The following DRC11 variants were observed in gnomAD, a reference collection of about 807,000 sequenced individuals.
The protein encoded by DRC11 is IQ and AAA domain-containing protein 1.
the DRC11 span, among the ~76,000 whole-genome samples, chr2:236,472,210 G>A: frequency 2.0e-5 from 3 of 152,078 alleles, no homozygotes; most frequent in African/African-American, 7.2e-5. This position sits in a 1 kb window ranked among gnomAD's most constrained non-coding sequence, Gnocchi z 4.6. Context: ...GTGTCTGATG[G>A]CCCTGAAGAC....
the DRC11 span, among the ~76,000 whole-genome samples, chr2:236,488,696 T>C: frequency 6.6e-6 from 1 of 152,238 alleles, no homozygotes; most frequent in Non-Finnish European, 1.5e-5. Context: ...CATTTAATTT[T>C]ATATATGAAA....
the DRC11 span, among the ~76,000 whole-genome samples, chr2:236,406,666 C>A: frequency 1.3e-5 from 2 of 152,010 alleles, no homozygotes; most frequent in Non-Finnish European, 2.9e-5. This position sits in a 1 kb window ranked among gnomAD's most constrained non-coding sequence, Gnocchi z 4.7. Flanking sequence ...AATGGCTGAA[C>A]ACTATATTTA....
the DRC11 span, among the ~76,000 whole-genome samples, chr2:236,357,451 TTATA>T: frequency 3.2e-5 from 4 of 126,454 alleles, no homozygotes; most frequent in South Asian, 2.3e-4. Flanking sequence ...TATTTATAAA[TTATA>T]TATATTTACA....
the DRC11 span, among the ~76,000 whole-genome samples, chr2:236,359,114 G>C: frequency 6.6e-6 from 1 of 151,996 alleles, no homozygotes; most frequent in South Asian, 2.1e-4. The surrounding 1 kb of genome is among the most constrained non-coding windows in gnomAD (Gnocchi z 4.3). Context: ...TGGAGCAGAG[G>C]ACGCTTCAGC....
At chr2:236,320,272 G>A in the DRC11 span, among the ~76,000 whole-genome samples, 4 of 152,138 alleles carry the variant, frequency 2.6e-5, no homozygotes, top group African/African-American at 9.7e-5. Context: ...GGTCTGCTTG[G>A]CTTCGTTTCG....
At chr2:236,478,217 A>G in the DRC11 span, among the ~76,000 whole-genome samples, 3 of 152,134 alleles carry the variant, frequency 2.0e-5, no homozygotes, top group East Asian at 5.8e-4. This position sits in a 1 kb window ranked among gnomAD's most constrained non-coding sequence, Gnocchi z 5.9. Context: ...TGCTTTTGTT[A>G]TAGCCCATAG....
the DRC11 span, among the ~76,000 whole-genome samples, chr2:236,421,356 A>C: frequency 2.0e-5 from 3 of 152,246 alleles, no homozygotes; most frequent in Non-Finnish European, 4.4e-5. Context: ...AAATAGATGC[A>C]ATAAAAAATG....
chr2:236,450,314 CTTTTTTTT>C, the DRC11 span, among the ~76,000 whole-genome samples: 759 of 82,402 alleles, frequency 9.2e-3, 7 homozygotes, highest in African/African-American at 0.034. Context: ...CTTTTCTTTT[CTTTTTTTT>C]TTTTTTTTTT....
the DRC11 span, among the ~76,000 whole-genome samples, chr2:236,379,083 CCCAGTG>C: frequency 2.0e-5 from 3 of 152,178 alleles, no homozygotes; most frequent in African/African-American, 7.2e-5. Flanking sequence ...GCCACAGATG[CCCAGTG>C]CCCCTCTGGG....
the DRC11 span, among the ~76,000 whole-genome samples, chr2:236,356,948 CAT>C: frequency 1.1e-4 from 15 of 132,112 alleles, no homozygotes; most frequent in African/African-American, 4.2e-4. Flanking sequence ...ATTATATATT[CAT>C]ATATCATAAA....
chr2:236,448,938 C>T, the DRC11 span, among the ~76,000 whole-genome samples: 840 of 152,148 alleles, frequency 5.5e-3, 9 homozygotes, highest in African/African-American at 0.019. The surrounding 1 kb of genome is among the most constrained non-coding windows in gnomAD (Gnocchi z 5.3). Context: ...CGGCTCACTG[C>T]AACCTCCGCC....
At chr2:236,407,706 C>G in the DRC11 span, 1 of 263,256 alleles carries the variant, frequency 3.8e-6, no homozygotes, top group South Asian at 4.6e-5. Flanking sequence ...TGCATCATTT[C>G]CCCCCTGTGA....
chr2:236,320,965 C>T, the DRC11 span, among the ~76,000 whole-genome samples: 1 of 151,610 alleles, frequency 6.6e-6, no homozygotes, highest in Admixed American at 6.6e-5. Context: ...TTTGGGTTTT[C>T]AGCGTGGATG....
At chr2:236,423,890 T>C in the DRC11 span, among the ~76,000 whole-genome samples, 3 of 152,134 alleles carry the variant, frequency 2.0e-5, no homozygotes, top group East Asian at 1.9e-4. Flanking sequence ...GATGAGTTCA[T>C]GTCCTTTGAA....
At chr2:236,474,572 T>C in the DRC11 span, among the ~76,000 whole-genome samples, 2 of 152,204 alleles carry the variant, frequency 1.3e-5, no homozygotes, top group Non-Finnish European at 2.9e-5. Flanking sequence ...AATTTCATGT[T>C]AAACTTAGAC....
the DRC11 span, among the ~76,000 whole-genome samples, chr2:236,445,019 C>A: frequency 6.6e-6 from 1 of 152,180 alleles, no homozygotes; most frequent in Non-Finnish European, 1.5e-5. This position sits in a 1 kb window ranked among gnomAD's most constrained non-coding sequence, Gnocchi z 4.8. Context: ...CCAGCCTGGA[C>A]GGGGCTTAGA....
At chr2:236,500,187 G>A in the DRC11 span, among the ~76,000 whole-genome samples, 4 of 152,184 alleles carry the variant, frequency 2.6e-5, no homozygotes, top group South Asian at 2.1e-4. This position sits in a 1 kb window ranked among gnomAD's most constrained non-coding sequence, Gnocchi z 6.3. Context: ...GTAATAACTC[G>A]TGTAATCCTC....
the DRC11 span, chr2:236,487,026 G>T: frequency 4.5e-5 from 30 of 666,464 alleles, no homozygotes; most frequent in African/African-American, 3.7e-4. Context: ...GGCTGTCCAT[G>T]TGTGTGCTGA....
the DRC11 span, among the ~76,000 whole-genome samples, chr2:236,449,580 G>A: frequency 6.6e-6 from 1 of 152,194 alleles, no homozygotes; most frequent in Non-Finnish European, 1.5e-5. This position sits in a 1 kb window ranked among gnomAD's most constrained non-coding sequence, Gnocchi z 5.1. Flanking sequence ...GAGGCTGTGT[G>A]CCTGCCTTGC....
Sources: allele counts gnomAD v4.1 joint callset (sites outside exome capture counted in the v4.1 genomes callset), GRCh38; gene constraint gnomAD v4.1.1; non-coding constraint Gnocchi (gnomAD v3.1); transcripts MANE v1.5; gene names NCBI Gene and HGNC (gene_info 2026-07-23, HGNC 2026-07-21).